Variants in SEMA3C observed in about 807,000 individuals in gnomAD.
SEMA3C encodes the protein semaphorin-3C.
SEMA3C carries 47 observed loss-of-function variants against 89.4 expected under a neutral mutation model. That is an observed-to-expected ratio of 0.53 (90% CI 0.42 to 0.67). The LOEUF is 0.67. Ranked by LOEUF, SEMA3C falls within the 30% of genes least tolerant of loss-of-function variation. The pLI is 0.00. For synonymous variants in SEMA3C, 310 were observed against 320.2 expected (o/e 0.97, Z 0.34); for missense variants, 839 against 929.1 (o/e 0.90, Z 1.26).
At chr7:80,879,028 A>G (rs1250693377) in intron 2 of SEMA3C, among the ~76,000 whole-genome samples, 2 of 152,124 alleles carry the variant, frequency 1.3e-5, no homozygotes, top group Admixed American at 6.6e-5. Context: ...TAATGTGGCA[A>G]TGAAGATGCA....
At chr7:80,802,525 G>A (rs2115671429) in intron 9 of SEMA3C, 140 bp downstream of exon 9, 1 of 566,406 alleles carries the variant, frequency 1.8e-6, no homozygotes. Context: ...TTTATGAACA[G>A]TATCTAGATA....
intron 11 of SEMA3C, among the ~76,000 whole-genome samples, chr7:80,796,128 A>T (rs560766678): frequency 3.4e-4 from 52 of 152,306 alleles, no homozygotes; most frequent in African/African-American, 1.2e-3. Context: ...ATGCTGCTCA[A>T]AAGAATCACT....
At chr7:80,840,349 GTC>G (rs1790233729) in intron 2 of SEMA3C, among the ~76,000 whole-genome samples, 1 of 151,686 alleles carries the variant, frequency 6.6e-6, no homozygotes, top group Middle Eastern at 3.2e-3. Context: ...GCAAGACCAT[GTC>G]TCTACAAAAA....
At position 80,798,105 on chromosome 7, in the gene SEMA3C, G is replaced by A; in HGVS notation, c.1118C>T (p.Pro373Leu). 6.2e-7 allele frequency: 1 copy of A among 1,601,018 alleles called. No individual in the cohort carries two copies. The highest frequency in any genetic ancestry group is 8.5e-7 in the Non-Finnish European group (1 of 1,175,990). ...LISYQGRIPY[P>L]RPGTCPGGAF... Reference sequence around the variant, plus strand: ...CTGGATACTTACAGTTCCAGGGCGAGGATATGGAATTCTGCCCTGATAGGA... The same window carrying A: ...CTGGATACTTACAGTTCCAGGGCGAAGATATGGAATTCTGCCCTGATAGGA... The change falls in exon 11 of 18, where the codon CCT becomes CTT. Residue 373 changes from proline (P) to leucine (L), a missense_variant. Coordinates refer to ENST00000265361, the MANE Select transcript of SEMA3C (RefSeq NM_006379.5).
chr7:80,842,693 T>G (rs1790297673), intron 2 of SEMA3C, among the ~76,000 whole-genome samples: 1 of 152,114 alleles, frequency 6.6e-6, no homozygotes, highest in Non-Finnish European at 1.5e-5. Context: ...CAACACATTT[T>G]ACTAGGCAAA....
upstream of SEMA3C, among the ~76,000 whole-genome samples, chr7:80,921,110 C>T (rs1398961186): frequency 6.6e-6 from 1 of 152,112 alleles, no homozygotes; most frequent in Non-Finnish European, 1.5e-5. Flanking sequence ...TAATTCCAAA[C>T]TCAATTTACA....
At chr7:80,814,608 T>C (rs1789555439) in intron 5 of SEMA3C, among the ~76,000 whole-genome samples, 1 of 152,086 alleles carries the variant, frequency 6.6e-6, no homozygotes, top group African/African-American at 2.4e-5. Context: ...CTACTTGATA[T>C]CACTAATTGG....
chr7:80,884,930 T>A (rs1482503327), intron 2 of SEMA3C, among the ~76,000 whole-genome samples: 1 of 152,178 alleles, frequency 6.6e-6, no homozygotes, highest in Non-Finnish European at 1.5e-5. Flanking sequence ...ATTTTAAAAA[T>A]ACAGATTAGA....
chr7:80,911,655 T>G (rs888468360), intron 2 of SEMA3C, among the ~76,000 whole-genome samples: 2 of 148,948 alleles, frequency 1.3e-5, no homozygotes, highest in Non-Finnish European at 3.0e-5. Context: ...ACTCTCTTGC[T>G]CAGGCTGGAG....
intron 2 of SEMA3C, among the ~76,000 whole-genome samples, chr7:80,880,939 A>G (rs1488783909): frequency 6.6e-6 from 1 of 152,114 alleles, no homozygotes; most frequent in African/African-American, 2.4e-5. Context: ...AACAAAAACA[A>G]AAACAGAAGT....
intron 14 of SEMA3C, among the ~76,000 whole-genome samples, chr7:80,758,947 G>A (rs1179370196): frequency 6.6e-6 from 1 of 151,644 alleles, no homozygotes; most frequent in East Asian, 1.9e-4. Flanking sequence ...ATGGTAAATA[G>A]TAAGTACTGG....
At chr7:80,850,435 A>C (rs764782563) in intron 2 of SEMA3C, among the ~76,000 whole-genome samples, 10 of 152,228 alleles carry the variant, frequency 6.6e-5, no homozygotes, top group Non-Finnish European at 1.3e-4. Context: ...GCAATAAAAA[A>C]GAATTAATTA....
At chr7:80,790,941 T>C (rs1562876463) in intron 11 of SEMA3C, among the ~76,000 whole-genome samples, 1 of 152,160 alleles carries the variant, frequency 6.6e-6, no homozygotes, top group Non-Finnish European at 1.5e-5. Context: ...CAAAGAGTAG[T>C]TGAATGAATG....
chr7:80,900,127 T>TCTTTGAG (rs1305143860), intron 2 of SEMA3C, among the ~76,000 whole-genome samples: 1 of 151,990 alleles, frequency 6.6e-6, no homozygotes, highest in Non-Finnish European at 1.5e-5. Flanking sequence ...TTTTTTTTTT[T>TCTTTGAG]CTTTGAGACG....
At chr7:80,764,197 G>T (rs1262315720) in intron 13 of SEMA3C, among the ~76,000 whole-genome samples, 1 of 152,166 alleles carries the variant, frequency 6.6e-6, no homozygotes, top group African/African-American at 2.4e-5. Flanking sequence ...GCAACTTGCT[G>T]GACTAGCAAG....
intron 12 of SEMA3C, among the ~76,000 whole-genome samples, chr7:80,767,739 G>T (rs1269903091): frequency 6.6e-6 from 1 of 152,076 alleles, no homozygotes; most frequent in Non-Finnish European, 1.5e-5. Context: ...GAATTAACTT[G>T]AACTGAATTG....
intron 2 of SEMA3C, among the ~76,000 whole-genome samples, chr7:80,884,526 T>C (rs1472672270): frequency 1.3e-5 from 2 of 152,196 alleles, no homozygotes; most frequent in Non-Finnish European, 2.9e-5. Flanking sequence ...GTATTGACAA[T>C]TCTGTAGTGA....
intron 2 of SEMA3C, among the ~76,000 whole-genome samples, chr7:80,898,150 A>C (rs924121538): frequency 1.2e-4 from 19 of 152,152 alleles, no homozygotes; most frequent in African/African-American, 4.3e-4. Flanking sequence ...AGATCACCTG[A>C]GGTCAGGAGT....
rs557956943 is a variant in SEMA3C at position 80,900,935 on chromosome 7, CAGA to C, written c.103+15741_103+15743del. Among the ~76,000 whole-genome samples the C allele has an allele frequency of 1.4e-3, 217 of 152,262 alleles. 1 individual carries two copies. In the Middle Eastern group the frequency reaches 0.02, roughly 14 times the overall value. On this transcript the variant is annotated intron_variant, in intron 2 of 17. Coordinates refer to ENST00000265361, the MANE Select transcript of SEMA3C (RefSeq NM_006379.5). ...GTGTTTTAAGGTGTGCTCCTTAGAA[CAGA>C]AGATGTTGGATATATTGCCTGAATG...
Sources: allele counts gnomAD v4.1 joint callset (sites outside exome capture counted in the v4.1 genomes callset), GRCh38; gene constraint gnomAD v4.1.1; transcripts MANE v1.5; gene names NCBI Gene and HGNC (gene_info 2026-07-23, HGNC 2026-07-21).